Variants in COA5 observed in about 807,000 individuals in gnomAD.
COA5 encodes the protein cytochrome c oxidase assembly factor 5, also known as protein C2orf64.
A neutral mutation model predicts 11.8 loss-of-function variants in COA5; 11 were observed. The ratio of observed to expected loss-of-function variants is 0.93; its 90% CI spans 0.59 to 1.54. The LOEUF is 1.54. Among genes scored for constraint, COA5 ranks in the 40% most tolerant of loss-of-function variants. COA5 has a pLI of 0.00. For missense variants in COA5, 87 were observed against 89.2 expected (o/e 0.97, Z 0.10); for synonymous variants, 38 against 37.5 (o/e 1.01, Z -0.05).
intron 1 of COA5, among the ~76,000 whole-genome samples, chr2:98,607,486 G>A (rs1017976797): frequency 6.6e-6 from 1 of 152,184 alleles, no homozygotes; most frequent in Non-Finnish European, 1.5e-5. Context: ...TAGAAACACT[G>A]GTACAGTCTT....
rs908744558 is a variant in COA5, at chr2:98,599,622, C to G, written c.*1130G>C. 1 of 152,184 alleles carries G rather than the reference C, an allele frequency of 6.6e-6. No individual in the cohort carries two copies. The highest frequency in any genetic ancestry group is 1.5e-5 in the Non-Finnish European group (1 of 68,034). 9.4% of individuals were successfully genotyped at this position (152,184 alleles called of 1,614,324 possible). A position where few individuals can be genotyped will look rare whatever the true frequency, so the allele number is the denominator to read the frequency against. On this transcript the variant is annotated 3_prime_UTR_variant, in exon 3 of 3. Transcript: ENST00000328709. ...CTGTACAACGCCCCGATTGCTTTAA[C>G]TCCAGTGAACCACGGAGGTATAAAG...
chr2:98,607,846 A>T (rs3754871), intron 1 of COA5, among the ~76,000 whole-genome samples: 37,768 of 152,198 alleles, frequency 0.25, 4,764 homozygotes, highest in Middle Eastern at 0.35. Flanking sequence ...TAACTCAGAA[A>T]CAAATTCACA....
At chr2:98,604,271 G>T in intron 1 of COA5, 80 bp from the exon 2 acceptor site, 1 of 1,111,106 alleles carries the variant, frequency 9.0e-7, no homozygotes, top group Non-Finnish European at 1.4e-6. Flanking sequence ...TCTGAAAATA[G>T]TCCTTTTTAA....
At chr2:98,607,187 T>C (rs575452316) in intron 1 of COA5, among the ~76,000 whole-genome samples, 14 of 152,332 alleles carry the variant, frequency 9.2e-5, no homozygotes, top group Non-Finnish European at 1.3e-4. Flanking sequence ...ACATGGGTAG[T>C]GACTGTTACT....
intron 2 of COA5, among the ~76,000 whole-genome samples, chr2:98,602,159 G>C (rs1378053018): frequency 1.3e-5 from 2 of 152,202 alleles, no homozygotes; most frequent in African/African-American, 4.8e-5. Flanking sequence ...TACTATGAGA[G>C]AACAGCAGAT....
rs1417027670 is a variant in COA5, at chr2:98,599,681, A to AAAT, written c.*1068_*1070dup. On this transcript the variant is annotated 3_prime_UTR_variant, in exon 3 of 3. Coordinates refer to ENST00000328709, the MANE Select transcript of COA5 (RefSeq NM_001008215.3). ...GTTCTTTGTAATTCTTCAGTGCCAAAAATAATAAAGTTGGAAACTTGGATT... is the reference window on the plus strand; with the variant it reads ...GTTCTTTGTAATTCTTCAGTGCCAAAAATAATAATAAAGTTGGAAACTTGGATT... 1.3e-5 allele frequency: 2 copies of AAAT among 152,228 alleles called. No homozygotes were observed. Among genetic ancestry groups the AAAT allele is most frequent in the African/African-American group, 4.8e-5 (2 of 41,454 alleles). The allele number at this position is 152,228 out of a possible 1,614,324, so 9.4% of individuals were successfully genotyped here.
At chr2:98,608,209 TAA>T in intron 1 of COA5, 96 bp downstream of exon 1, 1 of 883,530 alleles carries the variant, frequency 1.1e-6, no homozygotes, top group South Asian at 1.4e-5. Flanking sequence ...CCGGGATGGT[TAA>T]CTCCAACCGC....
rs1234940580 is a variant in COA5, at chr2:98,608,323, G to C, written c.83C>G (p.Ser28Trp). ...KEDLGACLLQ[S>W]DCVVQEGKSP... is the part of the protein sequence containing the mutation. ...CCGCGCTACCTGGACCACACAGTCCGACTGCAGCAGACACGCGCCCAGGTC... is the reference window on the plus strand; with the variant it reads ...CCGCGCTACCTGGACCACACAGTCCCACTGCAGCAGACACGCGCCCAGGTC... The change falls in exon 1 of 3, where the codon TCG becomes TGG. Residue 28 changes from serine to tryptophan, a missense_variant. Transcript: ENST00000328709. 1 of 1,605,918 alleles carries C rather than the reference G, an allele frequency of 6.2e-7. No individual in the cohort carries two copies. The highest frequency in any genetic ancestry group is 2.2e-5 in the East Asian group (1 of 44,672).
rs564546627 is a variant in COA5, at chr2:98,608,482, C to G, written c.-77G>C. 4 of 1,182,596 alleles carry G rather than the reference C, an allele frequency of 3.4e-6. No individual in the cohort carries two copies. The highest frequency in any genetic ancestry group is 3.0e-5 in the African/African-American group (2 of 66,330). The allele number at this position is 1,182,596 out of a possible 1,614,324, so 73.3% of individuals were successfully genotyped here. On this transcript the variant is annotated 5_prime_UTR_variant, in exon 1 of 3. Transcript: ENST00000328709. ...GCAACCGGGTCGGGAGCGAGCGAGG[C>G]CCCAGTCTCAGGGGACCGGAAGCCA...
At position 98,600,790 on chromosome 2, in the gene COA5, C is replaced by G; in HGVS notation, c.187G>C (p.Asp63His). The change falls in exon 3 of 3, where the codon GAT becomes CAT. Residue 63 changes from aspartate to histidine, a missense_variant. Asp to His is a moderately conservative substitution (Grantham distance 81). Coordinates refer to ENST00000328709, the MANE Select transcript of COA5 (RefSeq NM_001008215.3). The stretch of plus-strand genomic sequence containing the variant: ...CTTCCTCTGAATCTTGCCCTGTTAT[C>G]CAACTGAAAATAAATATACAATTAA... Reference protein sequence around the residue: ...AFFECKRSVLDNRARFRGRKG... With the variant: ...AFFECKRSVLHNRARFRGRKG... 6.3e-7 allele frequency: 1 copy of G among 1,593,812 alleles called. No homozygotes were observed. The highest frequency in any genetic ancestry group is 8.6e-7 in the Non-Finnish European group (1 of 1,162,868).
rs190138400 is a variant in COA5 at position 98,600,807 on chromosome 2, T to C, written c.184-14A>G. 4.6e-6 allele frequency: 7 copies of C among 1,532,152 alleles called. No homozygotes were observed. Among genetic ancestry groups the C allele is most frequent in the Admixed American group, 3.4e-5 (2 of 59,330 alleles). 94.9% of individuals were successfully genotyped at this position (1,532,152 alleles called of 1,614,324 possible). A position where few individuals can be genotyped will look rare whatever the true frequency, so the allele number is the denominator to read the frequency against. On this transcript the variant is annotated splice_polypyrimidine_tract_variant and intron_variant, in intron 2 of 2. Transcript: ENST00000328709. ...CCTGTTATCCAACTGAAAATAAATA[T>C]ACAATTAAATCAAATTTGGTACAAT...
intron 1 of COA5, among the ~76,000 whole-genome samples, chr2:98,607,711 G>A (rs1700728202): frequency 6.6e-6 from 1 of 152,234 alleles, no homozygotes; most frequent in Non-Finnish European, 1.5e-5. Flanking sequence ...CCAAGAGGGT[G>A]CTGAGGAGAC....
Position 98,600,669 on chromosome 2 carries a change from A to G in COA5, c.*83T>C. 8.3e-7 allele frequency: 1 copy of G among 1,206,632 alleles called. No homozygotes were observed. Among genetic ancestry groups the G allele is most frequent in the Non-Finnish European group, 1.2e-6 (1 of 826,764 alleles). 74.7% of individuals were successfully genotyped at this position (1,206,632 alleles called of 1,614,324 possible). A position where few individuals can be genotyped will look rare whatever the true frequency, so the allele number is the denominator to read the frequency against. ...GTCCAACCAAACAGATGTAGTAAAA[A>G]GTATGTTTCCTGTTTTGGCTTCTTT... On this transcript the variant is annotated 3_prime_UTR_variant, in exon 3 of 3. Transcript: ENST00000328709.
intron 1 of COA5, among the ~76,000 whole-genome samples, chr2:98,607,416 C>T (rs916361221): frequency 6.6e-6 from 1 of 152,186 alleles, no homozygotes; most frequent in African/African-American, 2.4e-5. Flanking sequence ...TTTTACTAGA[C>T]ATTGGGAGGC....
Position 98,608,391 on chromosome 2 carries a change from A to G in COA5, c.15T>C (p.Tyr5=). The change falls in exon 1 of 3, where the codon TAT becomes TAC. Residue 5 remains tyrosine, a synonymous_variant. Transcript: ENST00000328709. Reference sequence around the variant, plus strand: ...ACGCGCCGCCCTGCGGCTTGTCCTCATAATACTTAGGCATGACGGCGCTTC... The same window carrying G: ...ACGCGCCGCCCTGCGGCTTGTCCTCGTAATACTTAGGCATGACGGCGCTTC... MPKY[Y]EDKPQGGACA... is the part of the protein sequence containing the mutation. 6.2e-7 allele frequency: 1 copy of G among 1,602,204 alleles called. No individual in the cohort carries two copies. Among genetic ancestry groups the G allele is most frequent in the South Asian group, 1.1e-5 (1 of 89,664 alleles).
In COA5 at chr2:98,599,961, G is replaced by A. The variant is rs1700618348; in HGVS notation, c.*791C>T. 6.6e-6 allele frequency: 1 copy of A among 152,290 alleles called. No homozygotes were observed. Among genetic ancestry groups the A allele is most frequent in the South Asian group, 2.1e-4 (1 of 4,830 alleles). The allele number at this position is 152,290 out of a possible 1,614,324, so 9.4% of individuals were successfully genotyped here. A position where few individuals can be genotyped will look rare whatever the true frequency, so the allele number is the denominator to read the frequency against. On this transcript the variant is annotated 3_prime_UTR_variant, in exon 3 of 3. Coordinates refer to ENST00000328709, the MANE Select transcript of COA5 (RefSeq NM_001008215.3). ...CCCATCCCCTCTTCCACAGGGACTGGTCCAATGCAAGGGCAGGTGATCCTG... is the reference window on the plus strand; with the variant it reads ...CCCATCCCCTCTTCCACAGGGACTGATCCAATGCAAGGGCAGGTGATCCTG...
At chr2:98,604,255 T>G (rs1559144778) in intron 1 of COA5, 64 bp from the exon 2 acceptor site, 28 of 1,223,000 alleles carry the variant, frequency 2.3e-5, no homozygotes, top group Non-Finnish European at 2.7e-5. Context: ...ACAAAATAAT[T>G]GTCCTTCTGA....
Position 98,600,380 on chromosome 2 carries a change from C to G in COA5, c.*372G>C, listed in dbSNP as rs1461566531. The G allele has an allele frequency of 3.9e-6, 1 of 256,470 alleles. No individual in the cohort carries two copies. The highest frequency in any genetic ancestry group is 2.2e-5 in the African/African-American group (1 of 45,044). 15.9% of individuals were successfully genotyped at this position (256,470 alleles called of 1,614,324 possible). On this transcript the variant is annotated 3_prime_UTR_variant, in exon 3 of 3. Transcript: ENST00000328709. ...TCCCAACAGACACCTTCTGGATAGG[C>G]TGCATGTTATCGACTGTGTCAGTCA... is the stretch of plus-strand genomic sequence containing the variant.
rs988163748 is a variant in COA5 at position 98,608,337 on chromosome 2, C to A, written c.69G>T (p.Ala23=). Residue 23 remains alanine, a synonymous_variant, in exon 1 of 3, where the codon GCG becomes GCT. Transcript: ENST00000328709. ...ACAGLKEDLG[A]CLLQSDCVVQ... is the part of the protein sequence containing the mutation. ...CCACACAGTCCGACTGCAGCAGACA[C>A]GCGCCCAGGTCCTCCTTCAGGCCCG... is the stretch of plus-strand genomic sequence containing the variant. 2 of 1,608,762 alleles carry A rather than the reference C, an allele frequency of 1.2e-6. No homozygotes were observed. The highest frequency in any genetic ancestry group is 1.3e-5 in the African/African-American group (1 of 74,894).
Sources: allele counts gnomAD v4.1 joint callset (sites outside exome capture counted in the v4.1 genomes callset), GRCh38; gene constraint gnomAD v4.1.1; transcripts MANE v1.5; gene names NCBI Gene and HGNC (gene_info 2026-07-23, HGNC 2026-07-21).